CELF2: variants seen among roughly 807,000 people sequenced by gnomAD.
CELF2 encodes the protein CUG triplet repeat RNA-binding protein 2.
In CELF2, 8 loss-of-function variants were observed where a neutral mutation model predicts 62.6. That is an observed-to-expected ratio of 0.13 (90% confidence interval 0.07 to 0.23). CELF2 has a LOEUF of 0.23. Ranked by LOEUF, CELF2 falls within the 10% of genes least tolerant of loss-of-function variation. The pLI is 1.00. For missense variants in CELF2, 333 were observed against 671.0 expected, an observed-to-expected ratio of 0.50 and a Z score of 5.56; for synonymous variants, 258 against 250.0, an observed-to-expected ratio of 1.03 and a Z score of -0.30.
intron 1 of CELF2, among the ~76,000 whole-genome samples, chr10:10,836,825 T>G (rs768172348): frequency 5.3e-5 from 8 of 152,088 alleles, no homozygotes; most frequent in Non-Finnish European, 1.0e-4. Context: ...TTAATAGAGA[T>G]GGGGTTTCAC....
intron 1 of CELF2, among the ~76,000 whole-genome samples, chr10:11,066,626 A>C (rs1245105284): frequency 6.6e-6 from 1 of 152,110 alleles, no homozygotes; most frequent in Non-Finnish European, 1.5e-5. Flanking sequence ...AACCGTTCAC[A>C]TATGTAGTTG....
At chr10:10,776,283 GAGAGA>G in the CELF2 span, 1 of 153,230 alleles carries the variant, frequency 6.5e-6, no homozygotes, top group South Asian at 2.1e-4. Flanking sequence ...GCATACTCAG[GAGAGA>G]AGCCGTGCTT....
At chr10:10,910,351 T>A (rs2063700954) in intron 1 of CELF2, among the ~76,000 whole-genome samples, 1 of 152,074 alleles carries the variant, frequency 6.6e-6, no homozygotes. Context: ...TTGAAAAAAA[T>A]ACACTTCTGT....
chr10:11,227,768 C>A lies in CELF2; in HGVS notation c.354+10261C>A, dbSNP rs2067124631. On this transcript the variant is annotated intron_variant, in intron 3 of 12. Coordinates refer to ENST00000633077, the MANE Select transcript of CELF2 (RefSeq NM_001326342.2). The surrounding 1 kb of genome is among the most constrained non-coding windows in gnomAD (Gnocchi z 4.8). ...GTTATTTGCCACCTGTAGGCTGGCA[C>A]TTTCTACAACACTGTCACGCATCAG... Among the ~76,000 whole-genome samples the A allele has an allele frequency of 6.6e-6, 1 of 152,170 alleles. No individual in the cohort carries two copies. The highest frequency in any genetic ancestry group is 6.5e-5 in the Admixed American group (1 of 15,276).
chr10:10,733,680 G>A, the CELF2 span, among the ~76,000 whole-genome samples: 1 of 152,164 alleles, frequency 6.6e-6, no homozygotes, highest in Non-Finnish European at 1.5e-5. Flanking sequence ...AAGAAAGAAT[G>A]AGAACCAAGT....
intron 2 of CELF2, among the ~76,000 whole-genome samples, chr10:11,174,160 C>G (rs1458366905): frequency 1.3e-5 from 2 of 152,066 alleles, no homozygotes; most frequent in Non-Finnish European, 2.9e-5. Context: ...CTTGATGAGT[C>G]TTTGTTACAG....
rs934023771 is a variant in CELF2, at chr10:11,262,721, C to A, written c.539-3877C>A. ...TATTGATAGCGTATGTTTAACGTTG[C>A]TACTGCTTAAAAGATACAAGGAAGA... On this transcript the variant is annotated intron_variant, in intron 5 of 12. Coordinates refer to ENST00000633077, the MANE Select transcript of CELF2 (RefSeq NM_001326342.2). Among the ~76,000 whole-genome samples, 4 of 152,106 alleles carry A rather than the reference C, an allele frequency of 2.6e-5. No homozygotes were observed. In the South Asian group the frequency reaches 6.2e-4, roughly 24 times the overall value.
At chr10:11,245,720 A>G (rs771277831) in intron 3 of CELF2, among the ~76,000 whole-genome samples, 3 of 152,204 alleles carry the variant, frequency 2.0e-5, no homozygotes, top group Non-Finnish European at 4.4e-5. Flanking sequence ...TCATACAGCT[A>G]TAGAGATCAG....
chr10:11,076,767 C>T (rs965794118), intron 1 of CELF2, among the ~76,000 whole-genome samples: 1 of 152,112 alleles, frequency 6.6e-6, no homozygotes, highest in Non-Finnish European at 1.5e-5. Flanking sequence ...TTTTTAACTT[C>T]CTAAGCCTTA....
At chr10:10,497,065 C>T in the CELF2 span, among the ~76,000 whole-genome samples, 1 of 151,916 alleles carries the variant, frequency 6.6e-6, no homozygotes, top group Non-Finnish European at 1.5e-5. Context: ...GTGGCACATG[C>T]CTATAATCCC....
intron 1 of CELF2, among the ~76,000 whole-genome samples, chr10:10,916,984 C>T (rs960816666): frequency 6.6e-6 from 1 of 151,082 alleles, no homozygotes; most frequent in Non-Finnish European, 1.5e-5. Flanking sequence ...GTATCTAATT[C>T]AACATCAGTT....
chr10:11,297,360 C>T lies in CELF2; in HGVS notation c.976+8808C>T, dbSNP rs1017467469. Among the ~76,000 whole-genome samples, 11 of 152,040 alleles carry T rather than the reference C, an allele frequency of 7.2e-5. No individual in the cohort carries two copies. The highest frequency in any genetic ancestry group is 6.2e-4 in the South Asian group (3 of 4,822). On this transcript the variant is annotated intron_variant, in intron 9 of 12. Transcript: ENST00000633077. This position sits in a 1 kb window ranked among gnomAD's most constrained non-coding sequence, Gnocchi z 4.4. The stretch of plus-strand genomic sequence containing the variant: ...GAGGCCAGGCGGGCTGCCCTAAGCC[C>T]GGGGAGGGGTGAGGTCATCAGGCCA...
the CELF2 span, among the ~76,000 whole-genome samples, chr10:10,489,739 G>T: frequency 6.6e-6 from 1 of 152,104 alleles, no homozygotes; most frequent in African/African-American, 2.4e-5. Context: ...AATATATCCT[G>T]TGTGGCCTAT....
chr10:10,707,895 C>T, the CELF2 span, among the ~76,000 whole-genome samples: 2 of 152,038 alleles, frequency 1.3e-5, no homozygotes, highest in Admixed American at 6.6e-5. Context: ...GGACATGGAC[C>T]TAATCCCTAC....
intron 2 of CELF2, among the ~76,000 whole-genome samples, chr10:11,174,071 A>G (rs1236882463): frequency 6.6e-6 from 1 of 152,194 alleles, no homozygotes; most frequent in African/African-American, 2.4e-5. Context: ...TACTAAGGAA[A>G]TTTGTAGTGA....
At chr10:10,747,964 G>C in the CELF2 span, among the ~76,000 whole-genome samples, 1 of 152,110 alleles carries the variant, frequency 6.6e-6, no homozygotes, top group African/African-American at 2.4e-5. Flanking sequence ...TATTAGAAGG[G>C]CCAAATGCAC....
chr10:10,937,121 C>CTTTTTTTTTTTTTTT (rs373143426), intron 2 of CELF2, among the ~76,000 whole-genome samples: 17 of 90,522 alleles, frequency 1.9e-4, no homozygotes, highest in Non-Finnish European at 2.8e-4. Context: ...TTTTTCTTTT[C>CTTTTTTTTTTTTTTT]TTTTTTTTTT....
chr10:11,174,238 G>A (rs1296606165), intron 2 of CELF2, among the ~76,000 whole-genome samples: 2 of 151,974 alleles, frequency 1.3e-5, no homozygotes, highest in African/African-American at 4.8e-5. Context: ...ATTTGTCAAA[G>A]CCTGAATCAC....
At chr10:10,467,185 T>G in the CELF2 span, among the ~76,000 whole-genome samples, 1 of 152,194 alleles carries the variant, frequency 6.6e-6, no homozygotes, top group African/African-American at 2.4e-5. Context: ...ATTTTTCTCC[T>G]AAGTGCTTCT....
Sources: gnomAD v4.1 joint callset for allele counts (sites outside exome capture counted in the v4.1 genomes callset) on GRCh38, gnomAD v4.1.1 for gene constraint, Gnocchi (gnomAD v3.1) non-coding constraint, MANE v1.5 for transcripts, NCBI Gene and HGNC (gene_info 2026-07-23, HGNC 2026-07-21) for gene names.